WDR59: variants seen among roughly 807,000 people sequenced by gnomAD.
WDR59 encodes the protein WD repeat domain 59.
In WDR59, 100 loss-of-function variants were observed where a neutral mutation model predicts 131.2. The observed-to-expected ratio is 0.76, with a 90% CI of 0.65 to 0.90. The LOEUF (loss-of-function observed/expected upper bound fraction) is 0.90. Ranked by LOEUF, WDR59 falls within the 40% of genes least tolerant of loss-of-function variation. WDR59 has a pLI of 0.00. For synonymous variants in WDR59, 601 were observed against 466.2 expected (o/e 1.29, Z -3.72); for missense variants, 1,203 against 1,262.2 (o/e 0.95, Z 0.71).
At chr16:74,977,956 C>A (rs1244160061) in intron 1 of WDR59, among the ~76,000 whole-genome samples, 1 of 152,134 alleles carries the variant, frequency 6.6e-6, no homozygotes, top group Non-Finnish European at 1.5e-5. Flanking sequence ...GCCTGTAATC[C>A]CAAAACTTTG....
At chr16:74,927,705 C>T (rs771587485) in intron 8 of WDR59, among the ~76,000 whole-genome samples, 7 of 150,784 alleles carry the variant, frequency 4.6e-5, no homozygotes, top group Admixed American at 1.3e-4. Flanking sequence ...CACACACACA[C>T]ACACACACAC....
Position 74,929,311 on chromosome 16 carries a change from G to A in WDR59, c.652-5308C>T, listed in dbSNP as rs375451698. ...AGGATGGTCTCGATCTCCTGACCTC[G>A]TGATCCACCTGCCTCGGCCTCCCAA... On this transcript the variant is annotated intron_variant, in intron 8 of 25. Transcript: ENST00000262144. 1.2e-4 allele frequency among the ~76,000 whole-genome samples: 19 copies of A among 152,080 alleles called. 2 individuals are homozygous for A. The highest frequency in any genetic ancestry group is 1.1e-3 in the Admixed American group (17 of 15,258).
At position 74,921,284 on chromosome 16, in the gene WDR59, C is replaced by T. The variant is rs142958050; in HGVS notation, c.886+663G>A. The stretch of plus-strand genomic sequence containing the variant: ...CAAGTAGGCCCCAGTCTTTATTATT[C>T]CCCTCTTCCACAGTTAAAACAAAAA... On this transcript the variant is annotated intron_variant, in intron 10 of 25. Coordinates refer to ENST00000262144, the MANE Select transcript of WDR59 (RefSeq NM_030581.4). Among the ~76,000 whole-genome samples the T allele has an allele frequency of 5.8e-3, 876 of 151,978 alleles. 12 individuals carry two copies. Among genetic ancestry groups the T allele is most frequent in the African/African-American group, 0.02 (849 of 41,442 alleles).
chr16:74,926,332 A>G (rs1020111595), intron 8 of WDR59, among the ~76,000 whole-genome samples: 1 of 152,190 alleles, frequency 6.6e-6, no homozygotes, highest in Non-Finnish European at 1.5e-5. Context: ...TGCTGGGATT[A>G]TAGGCATGAG....
chr16:74,923,879 A>G, intron 9 of WDR59, 47 bp downstream of exon 9: 1 of 1,524,412 alleles, frequency 6.6e-7, no homozygotes, highest in South Asian at 1.2e-5. Flanking sequence ...TCTTTTTGGA[A>G]CACCCAAAAA....
At chr16:74,901,521 T>C (rs1383095904) in intron 18 of WDR59, among the ~76,000 whole-genome samples, 1 of 151,568 alleles carries the variant, frequency 6.6e-6, no homozygotes, top group African/African-American at 2.4e-5. Context: ...ACTCTTGTAG[T>C]TCTAGCTACT....
intron 6 of WDR59, among the ~76,000 whole-genome samples, chr16:74,945,231 C>T (rs1045529643): frequency 6.6e-6 from 1 of 152,126 alleles, no homozygotes; most frequent in Non-Finnish European, 1.5e-5. Flanking sequence ...AATGCCAGCA[C>T]TTTGGGAGGC....
In WDR59 at chr16:74,946,499, A is replaced by G. The variant is rs988607442; in HGVS notation, c.445+2020T>C. ...CACTTTAGGAGGCCGAGGCAGGCAGATCACTTGAGGTCAGGAGCTCGAGAC... is the reference window on the plus strand; with the variant it reads ...CACTTTAGGAGGCCGAGGCAGGCAGGTCACTTGAGGTCAGGAGCTCGAGAC... On this transcript the variant is annotated intron_variant, in intron 6 of 25. Coordinates refer to ENST00000262144, the MANE Select transcript of WDR59 (RefSeq NM_030581.4). 2.0e-5 allele frequency among the ~76,000 whole-genome samples: 3 copies of G among 152,148 alleles called. No homozygotes were observed. In the East Asian group the frequency reaches 5.8e-4, roughly 29 times the overall value.
intron 25 of WDR59, among the ~76,000 whole-genome samples, chr16:74,878,322 A>G (rs947090452): frequency 9.2e-5 from 14 of 152,234 alleles, no homozygotes; most frequent in Non-Finnish European, 1.8e-4. Context: ...ATCTTTCAAC[A>G]AATTTATTTT....
chr16:74,901,406 G>A (rs1252427560), intron 18 of WDR59, among the ~76,000 whole-genome samples: 1 of 151,298 alleles, frequency 6.6e-6, no homozygotes, highest in Non-Finnish European at 1.5e-5. Flanking sequence ...GAAAAATTTG[G>A]GCTAAAAATG....
At chr16:74,916,493 T>C (rs1196950323) in intron 11 of WDR59, among the ~76,000 whole-genome samples, 1 of 152,176 alleles carries the variant, frequency 6.6e-6, no homozygotes, top group Non-Finnish European at 1.5e-5. Flanking sequence ...TCAGAGTTTA[T>C]GCAAGCCTCA....
At chr16:74,944,979 C>T (rs1484263482) in intron 6 of WDR59, among the ~76,000 whole-genome samples, 1 of 151,886 alleles carries the variant, frequency 6.6e-6, no homozygotes, top group African/African-American at 2.4e-5. Flanking sequence ...CAAAAATTAG[C>T]TGGGTGTGGT....
chr16:74,942,273 C>G (rs996730911), intron 7 of WDR59, among the ~76,000 whole-genome samples: 1 of 152,074 alleles, frequency 6.6e-6, no homozygotes, highest in Admixed American at 6.6e-5. Flanking sequence ...CATGAGCACC[C>G]TACCTTGCTC....
chr16:74,950,910 C>A (rs1272132089), intron 4 of WDR59, among the ~76,000 whole-genome samples: 1 of 151,408 alleles, frequency 6.6e-6, no homozygotes, highest in Non-Finnish European at 1.5e-5. Context: ...AATCCCAACA[C>A]TTTGGGAGGC....
chr16:74,949,762 CAGG>C lies in WDR59; in HGVS notation c.360_362del (p.Leu121del). 6.2e-7 allele frequency: 1 copy of C among 1,613,868 alleles called. No individual in the cohort carries two copies. Among genetic ancestry groups the C allele is most frequent in the Non-Finnish European group, 8.5e-7 (1 of 1,179,904 alleles). On this transcript the variant is annotated inframe_deletion, in exon 5 of 26. Transcript: ENST00000262144. ...TGTAGGTGTCCACAGAGCTGGTAAC[CAGG>C]AGGTCAGGCTCAAACACCGCCCAGT...
chr16:74,983,270 C>G (rs1003821432), intron 1 of WDR59, among the ~76,000 whole-genome samples: 7 of 151,978 alleles, frequency 4.6e-5, no homozygotes, highest in African/African-American at 1.7e-4. Flanking sequence ...GCCAGGAGTT[C>G]AAGACCAGCC....
At chr16:74,882,964 C>T (rs1964573536) in intron 25 of WDR59, among the ~76,000 whole-genome samples, 1 of 150,394 alleles carries the variant, frequency 6.6e-6, no homozygotes. Context: ...CCCATCGCTC[C>T]CTAGATGAAA....
chr16:74,978,390 G>C (rs9937423), intron 1 of WDR59, among the ~76,000 whole-genome samples: 42,800 of 151,238 alleles, frequency 0.28, 6,788 homozygotes, highest in East Asian at 0.72. Flanking sequence ...TATTCAGGAG[G>C]CTGAGATGGG....
At chr16:74,954,269 G>T (rs752516633) in intron 3 of WDR59, among the ~76,000 whole-genome samples, 1 of 151,504 alleles carries the variant, frequency 6.6e-6, no homozygotes, top group South Asian at 2.1e-4. Context: ...TTAGCCAGGC[G>T]TGATCATGTG....
Sources: allele counts gnomAD v4.1 joint callset (sites outside exome capture counted in the v4.1 genomes callset), GRCh38; gene constraint gnomAD v4.1.1; transcripts MANE v1.5; gene names NCBI Gene and HGNC (gene_info 2026-07-23, HGNC 2026-07-21).